Variants in ABCA9 observed in about 807,000 individuals in gnomAD.
ABCA9 encodes ATP-binding cassette sub-family A member 9.
ABCA9 carries 183 observed loss-of-function variants against 205.3 expected under a neutral mutation model. That is an observed-to-expected ratio of 0.89 (90% CI 0.79 to 1.01). ABCA9 has a LOEUF of 1.01. Ranked by LOEUF, ABCA9 falls within the 50% of genes least tolerant of loss-of-function variation. The pLI, the probability that ABCA9 is intolerant of heterozygous loss-of-function variation, is 0.00. For missense variants in ABCA9, 1,805 were observed against 1,912.4 expected (o/e 0.94, Z 1.05); for synonymous variants, 651 against 683.3 (o/e 0.95, Z 0.74).
chr17:69,013,179 A>AT (rs1430900860), intron 22 of ABCA9, among the ~76,000 whole-genome samples: 2 of 152,312 alleles, frequency 1.3e-5, no homozygotes, highest in Admixed American at 6.5e-5. Flanking sequence ...TGTAACAAAC[A>AT]TGAGAGTGTG....
chr17:69,047,714 T>C (rs2071765179), intron 3 of ABCA9, among the ~76,000 whole-genome samples: 1 of 152,212 alleles, frequency 6.6e-6, no homozygotes. Context: ...TTGTGCAGGA[T>C]GGCAAAGGTC....
At chr17:69,072,186 A>C in the ABCA9 span, among the ~76,000 whole-genome samples, 2 of 152,218 alleles carry the variant, frequency 1.3e-5, no homozygotes, top group African/African-American at 4.8e-5. Flanking sequence ...GATATTAACC[A>C]GGAGAACTTC....
intron 18 of ABCA9, 31 bp downstream of exon 18, chr17:69,021,711 C>T: frequency 1.5e-6 from 2 of 1,357,758 alleles, no homozygotes; most frequent in Non-Finnish European, 1.0e-6. Context: ...CTTTCTTTCT[C>T]CCTTTCTTTC....
chr17:69,036,711 C>A (rs765049948), intron 6 of ABCA9, among the ~76,000 whole-genome samples: 122 of 151,166 alleles, frequency 8.1e-4, no homozygotes, highest in Non-Finnish European at 1.5e-3. Context: ...GGGCTAAATG[C>A]CCCAATTAAA....
chr17:68,985,665 AGTGGCTCACACCTGTAATCCCAG>A (rs1288289397), intron 32 of ABCA9, among the ~76,000 whole-genome samples: 51 of 152,274 alleles, frequency 3.3e-4, no homozygotes, highest in South Asian at 4.1e-4. Flanking sequence ...GTCTGGGTGC[AGTGGCTCACACCTGTAATCCCAG>A]GTGGCTCACA....
chr17:69,032,377 T>C, intron 9 of ABCA9, 101 bp from the exon 10 acceptor site: 1 of 1,076,886 alleles, frequency 9.3e-7, no homozygotes, highest in Admixed American at 2.6e-5. Flanking sequence ...TGAACCCACA[T>C]TATCATATTA....
chr17:69,036,863 A>C (rs2071355320), intron 6 of ABCA9, among the ~76,000 whole-genome samples: 2 of 133,876 alleles, frequency 1.5e-5, no homozygotes, highest in East Asian at 2.2e-4. Flanking sequence ...TACCAAGTAA[A>C]TGGAAAGCAA....
At chr17:69,066,819 A>G in the ABCA9 span, among the ~76,000 whole-genome samples, 1 of 152,146 alleles carries the variant, frequency 6.6e-6, no homozygotes, top group South Asian at 2.1e-4. Flanking sequence ...AGGAGAGTGG[A>G]AGATTGCCTT....
At chr17:69,041,958 T>C (rs1285445745) in intron 6 of ABCA9, among the ~76,000 whole-genome samples, 2 of 152,208 alleles carry the variant, frequency 1.3e-5, no homozygotes, top group East Asian at 1.9e-4. Context: ...TGAAAGCCTA[T>C]GTAGCATACG....
chr17:69,040,474 T>C (rs1313520416), intron 6 of ABCA9, among the ~76,000 whole-genome samples: 1 of 152,170 alleles, frequency 6.6e-6, no homozygotes, highest in African/African-American at 2.4e-5. Context: ...AAACACCGCA[T>C]GTTCTCACTC....
At chr17:69,041,068 A>C (rs1420025352) in intron 6 of ABCA9, among the ~76,000 whole-genome samples, 1 of 152,150 alleles carries the variant, frequency 6.6e-6, no homozygotes, top group Non-Finnish European at 1.5e-5. Flanking sequence ...AATTAAATGA[A>C]ATTATTTATT....
chr17:69,052,482 AT>A (rs1598415793), intron 1 of ABCA9, among the ~76,000 whole-genome samples: 1 of 152,310 alleles, frequency 6.6e-6, no homozygotes, highest in East Asian at 1.9e-4. Flanking sequence ...AAATGTTGCA[AT>A]TATTAGACTA....
chr17:69,056,306 G>A (rs931428648), intron 1 of ABCA9, among the ~76,000 whole-genome samples: 8 of 152,104 alleles, frequency 5.3e-5, no homozygotes, highest in Non-Finnish European at 8.8e-5. Context: ...AACACAAGTT[G>A]CTAATATTAG....
chr17:68,998,904 TA>T (rs1157504798), intron 25 of ABCA9, among the ~76,000 whole-genome samples: 2 of 151,912 alleles, frequency 1.3e-5, no homozygotes, highest in African/African-American at 4.8e-5. Flanking sequence ...TGTATTCTTT[TA>T]AAAAATCTAT....
At position 68,975,639 on chromosome 17, in the gene ABCA9, A is replaced by G; in HGVS notation, c.*276T>C. 3.8e-6 allele frequency: 1 copy of G among 260,418 alleles called. No homozygotes were observed. Among genetic ancestry groups the G allele is most frequent in the Non-Finnish European group, 7.3e-6 (1 of 136,580 alleles). The allele number at this position is 260,418 out of a possible 1,614,324, so 16.1% of individuals were successfully genotyped here. ...CATGACATCCTCAGAAATGTAGACA[A>G]TTCTATAATAAATGCATTTTTAAAC... On this transcript the variant is annotated 3_prime_UTR_variant, in exon 39 of 39. Coordinates refer to ENST00000340001, the MANE Select transcript of ABCA9 (RefSeq NM_080283.4).
chr17:69,026,616 T>C, intron 15 of ABCA9, 149 bp from the exon 16 acceptor site: 1 of 699,450 alleles, frequency 1.4e-6, no homozygotes, highest in Non-Finnish European at 2.4e-6. Flanking sequence ...CCACTTTTTT[T>C]TGTCATCCAA....
intron 1 of ABCA9, among the ~76,000 whole-genome samples, chr17:69,056,331 G>T (rs12150378): frequency 0.028 from 4,331 of 151,976 alleles, 106 homozygotes; most frequent in East Asian, 0.056. Context: ...GAAAGAGGGG[G>T]CATCACTACA....
rs1226276975 is a variant in ABCA9, at chr17:69,028,499, G to T, written c.1615+36C>A. 7 of 1,397,470 alleles carry T rather than the reference G, an allele frequency of 5.0e-6. No individual in the cohort carries two copies. In the South Asian group the frequency reaches 6.2e-5, roughly 12 times the overall value. 86.6% of individuals were successfully genotyped at this position (1,397,470 alleles called of 1,614,324 possible). A position where few individuals can be genotyped will look rare whatever the true frequency, so the allele number is the denominator to read the frequency against. On this transcript the variant is annotated intron_variant, in intron 12 of 38. Coordinates refer to ENST00000340001, the MANE Select transcript of ABCA9 (RefSeq NM_080283.4). ...TAATTAAATGCATATTAATGTGTTTGTCCAGGTACTTGTCCTTGGATAACT... is the reference window on the plus strand; with the variant it reads ...TAATTAAATGCATATTAATGTGTTTTTCCAGGTACTTGTCCTTGGATAACT...
In ABCA9 at chr17:69,002,626, A is replaced by G. The variant is rs577571131; in HGVS notation, c.3435+5133T>C. ...GGGGTGGAGAGTTCTGTAGATGTCT[A>G]TTAGGTCCGCTTGGTGCAGGGCTGA... is the stretch of plus-strand genomic sequence containing the variant. On this transcript the variant is annotated intron_variant, in intron 25 of 38. Coordinates refer to ENST00000340001, the MANE Select transcript of ABCA9 (RefSeq NM_080283.4). Among the ~76,000 whole-genome samples the G allele has an allele frequency of 9.2e-5, 14 of 152,178 alleles. No individual in the cohort carries two copies. The East Asian group carries it at 2.5e-3, about 27-fold the overall frequency.
Sources: allele counts gnomAD v4.1 joint callset (sites outside exome capture counted in the v4.1 genomes callset), GRCh38; gene constraint gnomAD v4.1.1; transcripts MANE v1.5; gene names NCBI Gene and HGNC (gene_info 2026-07-23, HGNC 2026-07-21).